VSNL1: variants seen among roughly 807,000 people sequenced by gnomAD.
VSNL1 encodes the protein visinin-like protein 1.
Under a neutral mutation model 20.4 loss-of-function variants are expected in VSNL1, and 6 were observed. The observed-to-expected ratio is 0.29, with a 90% CI of 0.16 to 0.58. The LOEUF (loss-of-function observed/expected upper bound fraction) is 0.58. VSNL1 is among the 20% of genes least tolerant of loss of function. The pLI is 0.90. For missense variants in VSNL1, 100 were observed against 234.5 expected (o/e 0.43, Z 3.75); for synonymous variants, 93 against 86.4 (o/e 1.08, Z -0.42).
At chr2:17,603,661 AG>A (rs1377546874) in intron 2 of VSNL1, among the ~76,000 whole-genome samples, 1 of 152,292 alleles carries the variant, frequency 6.6e-6, no homozygotes, top group East Asian at 1.9e-4. Context: ...ATGTCACAAA[AG>A]TCCTAAGGTC....
chr2:17,585,808 C>CTT (rs55893675), intron 1 of VSNL1, among the ~76,000 whole-genome samples: 1 of 143,286 alleles, frequency 7.0e-6, no homozygotes, highest in Non-Finnish European at 1.5e-5. Flanking sequence ...TTCTTTTTTT[C>CTT]TTTTTTTTTT....
chr2:17,610,694 C>T (rs1227809473), intron 2 of VSNL1, among the ~76,000 whole-genome samples: 1 of 152,146 alleles, frequency 6.6e-6, no homozygotes, highest in African/African-American at 2.4e-5. Context: ...ATCAGAACAG[C>T]CCTGTTGAGG....
At chr2:17,600,611 C>T (rs1558295683) in intron 2 of VSNL1, among the ~76,000 whole-genome samples, 1 of 152,102 alleles carries the variant, frequency 6.6e-6, no homozygotes, top group African/African-American at 2.4e-5. Flanking sequence ...CTGTTTGTTA[C>T]TAAGATGTGG....
chr2:17,567,630 G>A (rs1368219572), intron 1 of VSNL1: 1 of 152,118 alleles, frequency 6.6e-6, no homozygotes, highest in East Asian at 1.9e-4. Flanking sequence ...AAAGTGCTGG[G>A]ATTACAGGCG....
chr2:17,636,009 T>C (rs1391530521), intron 2 of VSNL1, among the ~76,000 whole-genome samples: 1 of 151,566 alleles, frequency 6.6e-6, no homozygotes, highest in Non-Finnish European at 1.5e-5. Context: ...GGGGAAAAAT[T>C]ACTAATTTAT....
At chr2:17,565,582 T>C (rs1663917148) in intron 1 of VSNL1, among the ~76,000 whole-genome samples, 1 of 152,212 alleles carries the variant, frequency 6.6e-6, no homozygotes, top group Admixed American at 6.5e-5. Flanking sequence ...ATTATGATAA[T>C]ATTATATGCT....
rs552996090 is a variant in VSNL1 at position 17,583,314 on chromosome 2, G to A, written c.-5-8756G>A. 2.3e-4 allele frequency among the ~76,000 whole-genome samples: 35 copies of A among 152,310 alleles called. No homozygotes were observed. In the South Asian group the frequency reaches 6.0e-3, roughly 26 times the overall value. On this transcript the variant is annotated intron_variant, in intron 1 of 3. Transcript: ENST00000295156. ...CACTCCAGGTCTGCTCTTCTCTCTC[G>A]GCAGCTCCCTGCTGTTCTCAGATAA...
At chr2:17,543,882 C>T (rs992836318) in intron 1 of VSNL1, among the ~76,000 whole-genome samples, 3 of 152,134 alleles carry the variant, frequency 2.0e-5, no homozygotes, top group African/African-American at 7.2e-5. Context: ...CTCATTTTCT[C>T]CCTTTCTTCC....
chr2:17,540,555 A>T (rs1016199494), upstream of VSNL1: 5 of 152,720 alleles, frequency 3.3e-5, no homozygotes, highest in Non-Finnish European at 7.3e-5. Flanking sequence ...GCTTTTGGTC[A>T]CAGGCTCCCG....
chr2:17,572,804 A>G (rs889993152), intron 1 of VSNL1, among the ~76,000 whole-genome samples: 3 of 152,172 alleles, frequency 2.0e-5, no homozygotes, highest in Admixed American at 2.0e-4. Context: ...CTTTGTATCT[A>G]TCATTCCTGC....
chr2:17,655,496 CACACAAAT>C lies in VSNL1; in HGVS notation c.*104_*111del. The C allele has an allele frequency of 2.9e-6, 3 of 1,037,942 alleles. No homozygotes were observed. In the Admixed American group the frequency reaches 7.1e-5, roughly 25 times the overall value. The allele number at this position is 1,037,942 out of a possible 1,614,324, so 64.3% of individuals were successfully genotyped here. On this transcript the variant is annotated 3_prime_UTR_variant, in exon 4 of 4. Transcript: ENST00000295156. The surrounding 1 kb of genome is among the most constrained non-coding windows in gnomAD (Gnocchi z 5.2). ...ACACACACACACACACACACACACACACACAAATATTGCTTGGACTACCTATAAATGGA... is the reference window on the plus strand; with the variant it reads ...ACACACACACACACACACACACACACATTGCTTGGACTACCTATAAATGGA...
intron 2 of VSNL1, among the ~76,000 whole-genome samples, chr2:17,596,612 C>A (rs906905727): frequency 1.3e-5 from 2 of 152,120 alleles, no homozygotes; most frequent in East Asian, 3.8e-4. Flanking sequence ...AGAAACAAAC[C>A]TAGAGGAATC....
chr2:17,618,266 C>G (rs1468256170), intron 2 of VSNL1, among the ~76,000 whole-genome samples: 1 of 152,162 alleles, frequency 6.6e-6, no homozygotes, highest in Non-Finnish European at 1.5e-5. Context: ...TTTCATTAGG[C>G]TTGGGTTTCT....
chr2:17,558,838 T>C (rs1324128086), intron 1 of VSNL1, among the ~76,000 whole-genome samples: 1 of 152,214 alleles, frequency 6.6e-6, no homozygotes, highest in African/African-American at 2.4e-5. Flanking sequence ...TCCACTTTTG[T>C]TGTTATACCT....
At chr2:17,571,646 A>C (rs1435693664) in intron 1 of VSNL1, among the ~76,000 whole-genome samples, 1 of 152,234 alleles carries the variant, frequency 6.6e-6, no homozygotes, top group Non-Finnish European at 1.5e-5. Flanking sequence ...AAGAGTGCTA[A>C]CAAGACAGAC....
chr2:17,607,761 G>A (rs1664980209), intron 2 of VSNL1, among the ~76,000 whole-genome samples: 1 of 152,172 alleles, frequency 6.6e-6, no homozygotes, highest in African/African-American at 2.4e-5. Context: ...ATTAACAAAT[G>A]AATAAAGGAC....
intron 3 of VSNL1, among the ~76,000 whole-genome samples, chr2:17,653,935 T>C (rs894543070): frequency 3.3e-5 from 5 of 152,228 alleles, no homozygotes; most frequent in African/African-American, 9.6e-5. Context: ...TCTCCATGGA[T>C]TTGGCTCCCT....
chr2:17,598,612 T>C (rs914919409), intron 2 of VSNL1, among the ~76,000 whole-genome samples: 3 of 152,240 alleles, frequency 2.0e-5, no homozygotes, highest in Admixed American at 6.5e-5. Context: ...TATGTTTAAA[T>C]AGGCTTCAGG....
intron 1 of VSNL1, chr2:17,541,319 A>G (rs747044621): frequency 5.9e-5 from 9 of 152,010 alleles, no homozygotes; most frequent in Non-Finnish European, 8.8e-5. Context: ...TTGGTGCACC[A>G]TTTTTCTCAC....
Sources: allele counts gnomAD v4.1 joint callset (sites outside exome capture counted in the v4.1 genomes callset), GRCh38; gene constraint gnomAD v4.1.1; non-coding constraint Gnocchi (gnomAD v3.1); transcripts MANE v1.5; gene names NCBI Gene and HGNC (gene_info 2026-07-23, HGNC 2026-07-21).